The following AKAP17A variants were observed in gnomAD, a reference collection of about 807,000 sequenced individuals.
The protein encoded by AKAP17A is A-kinase anchoring protein 17A.
In AKAP17A, 15 loss-of-function variants were observed where a neutral mutation model predicts 52.2. The observed-to-expected ratio is 0.29, with a 90% CI of 0.19 to 0.44. The LOEUF (loss-of-function observed/expected upper bound fraction) is 0.44, where lower values mean the gene tolerates loss of function less well. Ranked by LOEUF, AKAP17A falls within the 20% of genes least tolerant of loss-of-function variation. The pLI, the probability that AKAP17A is intolerant of heterozygous loss-of-function variation, is 1.00. For missense variants in AKAP17A, 1,060 were observed against 1,007.0 expected (o/e 1.05, Z -0.71); for synonymous variants, 514 against 424.7 (o/e 1.21, Z -2.58).
At chrX:1,597,033 C>T (rs1425907866) in intron 3 of AKAP17A, among the ~76,000 whole-genome samples, 18 of 152,334 alleles carry the variant, frequency 1.2e-4, no homozygotes, top group East Asian at 9.6e-4. Context: ...AAGTCTGGGA[C>T]GTGTTGGACT....
At chrX:1,598,332 T>A (rs751022603) in intron 3 of AKAP17A, among the ~76,000 whole-genome samples, 1 of 152,284 alleles carries the variant, frequency 6.6e-6, no homozygotes, top group South Asian at 2.1e-4. Context: ...GAGCGTGGGA[T>A]GCCTTTTCTC....
rs1389111439 is a variant in AKAP17A, at chrX:1,600,927, TGTC to T, written c.1425_1427del (p.Ser476del). 6.3e-7 allele frequency: 1 copy of T among 1,575,858 alleles called. No individual in the cohort carries two copies. The highest frequency in any genetic ancestry group is 8.6e-7 in the Non-Finnish European group (1 of 1,164,376). On this transcript the variant is annotated inframe_deletion, in exon 5 of 5. Coordinates refer to ENST00000313871, the MANE Select transcript of AKAP17A (RefSeq NM_005088.3). ...CCCGTCCTGGACATCCTGCAGACCG[TGTC>T]GTCCGGCTGTGTGAGCGCCACCACG...
At chrX:1,592,211 T>C (rs1932850547) in intron 1 of AKAP17A, among the ~76,000 whole-genome samples, 1 of 149,998 alleles carries the variant, frequency 6.7e-6, no homozygotes, top group Non-Finnish European at 1.5e-5. Flanking sequence ...GCTGTGTAGG[T>C]TGGGGTATTG....
chrX:1,601,121 G>A lies in AKAP17A; in HGVS notation c.1615G>A (p.Glu539Lys). The A allele has an allele frequency of 6.2e-7, 1 of 1,613,910 alleles. No homozygotes were observed. Among genetic ancestry groups the A allele is most frequent in the South Asian group, 1.1e-5 (1 of 91,080 alleles). Residue 539 changes from glutamate (E) to lysine (K), a missense_variant, in exon 5 of 5, where the codon GAG (glutamate) becomes AAG (lysine). Transcript: ENST00000313871. The stretch of plus-strand genomic sequence containing the variant: ...TGTGGTCCCCGAGGATGGCTCTCCA[G>A]AGAAGAGGTGCCCGGGCGGCGTCCT... ...CRVVPEDGSP[E>K]KRCPGGVLSC...
At chrX:1,599,044 G>C in intron 3 of AKAP17A, 148 bp from the exon 4 acceptor site, 4 of 1,289,566 alleles carry the variant, frequency 3.1e-6, no homozygotes, top group Admixed American at 2.7e-5. Flanking sequence ...GCTGCTTTGA[G>C]TCAACCGAGG....
In AKAP17A at chrX:1,601,762, G is replaced by T; in HGVS notation, c.*168G>T. 1.8e-6 allele frequency: 1 copy of T among 557,686 alleles called. No individual in the cohort carries two copies. Among genetic ancestry groups the T allele is most frequent in the Non-Finnish European group, 2.8e-6 (1 of 353,274 alleles). 34.5% of individuals were successfully genotyped at this position (557,686 alleles called of 1,614,324 possible). The stretch of plus-strand genomic sequence containing the variant: ...AGGAAGGAAGACACCATGCTTTAGA[G>T]ATCCATCTTTCTCCACTCACCGCAG... On this transcript the variant is annotated 3_prime_UTR_variant, in exon 5 of 5. Transcript: ENST00000313871.
At chrX:1,593,286 G>C (rs1471420893) in intron 1 of AKAP17A, among the ~76,000 whole-genome samples, 158 bp from the exon 2 acceptor site, 3 of 152,204 alleles carry the variant, frequency 2.0e-5, no homozygotes, top group African/African-American at 7.2e-5. Context: ...ACTCCGTTGA[G>C]ATGGCTGTTA....
At chrX:1,593,160 G>A (rs1932868448) in intron 1 of AKAP17A, among the ~76,000 whole-genome samples, 1 of 152,144 alleles carries the variant, frequency 6.6e-6, no homozygotes, top group African/African-American at 2.4e-5. Flanking sequence ...GGGAGCTGCT[G>A]GCTGCTGGAT....
Position 1,595,374 on chromosome X carries a change from G to T in AKAP17A, c.763-10G>T, listed in dbSNP as rs767772168. On this transcript the variant is annotated splice_polypyrimidine_tract_variant and intron_variant, in intron 2 of 4. Coordinates refer to ENST00000313871, the MANE Select transcript of AKAP17A (RefSeq NM_005088.3). ...GGGAAGGCCATCTGACACTGTTTTT[G>T]CTTTTAAAGGTTTCTTTTGATTCGA... 6.2e-7 allele frequency: 1 copy of T among 1,613,394 alleles called. No homozygotes were observed. Among genetic ancestry groups the T allele is most frequent in the Non-Finnish European group, 8.5e-7 (1 of 1,179,760 alleles).
At chrX:1,597,100 C>G (rs1212333177) in intron 3 of AKAP17A, among the ~76,000 whole-genome samples, 8 of 152,194 alleles carry the variant, frequency 5.3e-5, no homozygotes, top group African/African-American at 1.9e-4. Flanking sequence ...GTTTTGTTTC[C>G]ATTTCTCACT....
intron 2 of AKAP17A, 60 bp downstream of exon 2, chrX:1,594,284 AG>A: frequency 6.7e-7 from 1 of 1,491,588 alleles, no homozygotes; most frequent in Non-Finnish European, 8.9e-7. Flanking sequence ...TCCTTCCAGC[AG>A]GGTCAGCAGA....
chrX:1,599,149 G>C lies in AKAP17A; in HGVS notation c.912-43G>C, dbSNP rs1190987082. The C allele has an allele frequency of 2.5e-6, 4 of 1,599,550 alleles. No individual in the cohort carries two copies. In the African/African-American group the frequency reaches 4.0e-5, roughly 16 times the overall value. On this transcript the variant is annotated intron_variant, in intron 3 of 4. Transcript: ENST00000313871. The stretch of plus-strand genomic sequence containing the variant: ...CGCTTGTATGGTGTGTGGTGTGTTG[G>C]CTGCGGCGCTCTCTGTGACCACCCC...
chrX:1,600,569 TG>T (rs1933304143), intron 4 of AKAP17A, 89 bp from the exon 5 acceptor site: 1 of 1,269,772 alleles, frequency 7.9e-7, no homozygotes, highest in African/African-American at 1.5e-5. Context: ...CCCCAGACCA[TG>T]GGGCCTCCAA....
intron 1 of AKAP17A, among the ~76,000 whole-genome samples, chrX:1,592,703 C>A (rs1276782297): frequency 6.6e-6 from 1 of 152,068 alleles, no homozygotes; most frequent in African/African-American, 2.4e-5. Context: ...TGGGTTTCTG[C>A]GAGTGAAGCT....
Position 1,593,846 on chromosome X carries a change from C to T in AKAP17A, c.384C>T (p.Asp128=), listed in dbSNP as rs1456976106. 4.3e-6 allele frequency: 7 copies of T among 1,612,362 alleles called. No homozygotes were observed. The highest frequency in any genetic ancestry group is 5.9e-6 in the Non-Finnish European group (7 of 1,179,030). Residue 128 remains aspartate (D), a synonymous_variant, in exon 2 of 5, where the codon GAC becomes GAT. Coordinates refer to ENST00000313871, the MANE Select transcript of AKAP17A (RefSeq NM_005088.3). ...ACTTCCCCACCCGCCACGACTGGGA[C>T]TCCTTCTTCCGCGACGCCAAGGACA... is the stretch of plus-strand genomic sequence containing the variant. The part of the protein sequence containing the change: ...KIDFPTRHDW[D]SFFRDAKDMN...
chrX:1,593,347 T>A (rs1290760772), intron 1 of AKAP17A, 97 bp from the exon 2 acceptor site: 4 of 1,246,328 alleles, frequency 3.2e-6, no homozygotes, highest in Non-Finnish European at 4.5e-6. Context: ...GCTGTTTCTC[T>A]TCTCCGGGTC....
chrX:1,600,090 C>A, intron 4 of AKAP17A: 1 of 1,177,508 alleles, frequency 8.5e-7, no homozygotes, highest in Non-Finnish European at 1.1e-6. Context: ...GCTGCGTCCC[C>A]CTGGAGTCCA....
chrX:1,599,048 A>G, intron 3 of AKAP17A, 144 bp from the exon 4 acceptor site: 4 of 1,321,722 alleles, frequency 3.0e-6, no homozygotes, highest in Non-Finnish European at 3.1e-6. Context: ...CTTTGAGTCA[A>G]CCGAGGTCCA....
In AKAP17A at chrX:1,595,747, G is replaced by T. The variant is rs182218562; in HGVS notation, c.911+215G>T. On this transcript the variant is annotated intron_variant, in intron 3 of 4. Coordinates refer to ENST00000313871, the MANE Select transcript of AKAP17A (RefSeq NM_005088.3). Reference sequence around the variant, plus strand: ...TATGTGCGCCCGAGTGTGTGCCTGAGCATCTGTGTGCACGTGTGCCTGTGT... The same window carrying T: ...TATGTGCGCCCGAGTGTGTGCCTGATCATCTGTGTGCACGTGTGCCTGTGT... 1.6e-4 allele frequency among the ~76,000 whole-genome samples: 25 copies of T among 152,236 alleles called. No individual in the cohort carries two copies. The East Asian group carries it at 4.2e-3, about 26-fold the overall frequency.
Sources: allele counts gnomAD v4.1 joint callset (sites outside exome capture counted in the v4.1 genomes callset), GRCh38; gene constraint gnomAD v4.1.1; transcripts MANE v1.5; gene names NCBI Gene and HGNC (gene_info 2026-07-23, HGNC 2026-07-21).